Variants in CTNNA3 observed in about 807,000 individuals in gnomAD.
The protein encoded by CTNNA3 is catenin alpha 3.
CTNNA3 carries 76 observed loss-of-function variants against 95.7 expected under a neutral mutation model. The ratio of observed to expected loss-of-function variants is 0.79; its 90% CI spans 0.66 to 0.96. CTNNA3 has a LOEUF of 0.96. Ranked by LOEUF, CTNNA3 falls within the 40% of genes least tolerant of loss-of-function variation. The pLI is 0.00. For missense variants in CTNNA3, 1,191 were observed against 1,089.8 expected (o/e 1.09, Z -1.31); for synonymous variants, 431 against 374.4 (o/e 1.15, Z -1.74).
intron 10 of CTNNA3, among the ~76,000 whole-genome samples, chr10:66,621,076 A>G (rs913584724): frequency 1.3e-5 from 2 of 152,206 alleles, no homozygotes; most frequent in Non-Finnish European, 2.9e-5. Flanking sequence ...TTTAAGAAAC[A>G]TCTGAATTAC....
intron 12 of CTNNA3, among the ~76,000 whole-genome samples, chr10:66,359,613 T>C (rs1413746464): frequency 4.6e-5 from 7 of 152,150 alleles, no homozygotes; most frequent in African/African-American, 1.7e-4. Flanking sequence ...AATTAGGAGA[T>C]ACATGCATAC....
intron 15 of CTNNA3, among the ~76,000 whole-genome samples, chr10:65,995,662 G>T (rs1173109457): frequency 6.6e-6 from 1 of 152,220 alleles, no homozygotes; most frequent in Non-Finnish European, 1.5e-5. Context: ...GCAGTATTGG[G>T]CCATGTGGTT....
Position 66,096,151 on chromosome 10 carries a change from C to T in CTNNA3, c.1977+7006G>A, listed in dbSNP as rs113894280. On this transcript the variant is annotated intron_variant, in intron 14 of 17. Transcript: ENST00000433211. The stretch of plus-strand genomic sequence containing the variant: ...TTCCAGCAATTAGAACTAGCAGATT[C>T]AAATATCCTTAAATAAAAATCTTAC... 2.2e-4 allele frequency among the ~76,000 whole-genome samples: 34 copies of T among 152,260 alleles called. No individual in the cohort carries two copies. The South Asian group carries it at 4.8e-3, about 21-fold the overall frequency.
At chr10:66,084,714 TTA>T (rs1194113506) in intron 14 of CTNNA3, among the ~76,000 whole-genome samples, 1 of 152,172 alleles carries the variant, frequency 6.6e-6, no homozygotes, top group Non-Finnish European at 1.5e-5. Context: ...CCCAAGTGAG[TTA>T]TGAATTATTT....
intron 3 of CTNNA3, among the ~76,000 whole-genome samples, chr10:67,555,101 T>C (rs1479380323): frequency 6.6e-6 from 1 of 152,162 alleles, no homozygotes; most frequent in Non-Finnish European, 1.5e-5. Context: ...TCTGTTCTGT[T>C]TCATTGGTTG....
chr10:66,194,483 G>A (rs2086846369), intron 13 of CTNNA3, among the ~76,000 whole-genome samples: 1 of 152,138 alleles, frequency 6.6e-6, no homozygotes, highest in Non-Finnish European at 1.5e-5. Flanking sequence ...GGGAGGCTGA[G>A]GCATGAGAAT....
intron 5 of CTNNA3, among the ~76,000 whole-genome samples, chr10:67,318,161 TC>T (rs2132544855): frequency 1.3e-5 from 2 of 152,230 alleles, no homozygotes; most frequent in South Asian, 4.2e-4. Context: ...GGCACCCCAG[TC>T]CCCTTCTATT....
rs531015030 is a variant in CTNNA3 at position 67,450,058 on chromosome 10, C to T, written c.579+71784G>A. Among the ~76,000 whole-genome samples the T allele has an allele frequency of 5.9e-5, 9 of 152,262 alleles. No homozygotes were observed. In the East Asian group the frequency reaches 1.7e-3, roughly 29 times the overall value. ...GCATATGAAAAAAAGCTCAATATCA[C>T]TGATCATTAGAGAAATGCAAATCAA... On this transcript the variant is annotated intron_variant, in intron 5 of 17. Coordinates refer to ENST00000433211, the MANE Select transcript of CTNNA3 (RefSeq NM_013266.4).
intron 7 of CTNNA3, among the ~76,000 whole-genome samples, chr10:66,908,089 A>T (rs781628984): frequency 7.9e-5 from 12 of 152,204 alleles, no homozygotes; most frequent in Non-Finnish European, 1.5e-4. Context: ...TAATTCTGAT[A>T]TTGAAAAGTC....
rs938091480 is a variant in CTNNA3, at chr10:66,507,199, T to G, written c.1531+13418A>C. Among the ~76,000 whole-genome samples, 5 of 152,038 alleles carry G rather than the reference T, an allele frequency of 3.3e-5. No homozygotes were observed. In the South Asian group the frequency reaches 8.3e-4, roughly 25 times the overall value. ...GCCTTTGTTATTACATTTTGTTCATTTTTCTCTTTTTTTCTTTCAATTTTA... is the reference window on the plus strand; with the variant it reads ...GCCTTTGTTATTACATTTTGTTCATGTTTCTCTTTTTTTCTTTCAATTTTA... On this transcript the variant is annotated intron_variant, in intron 11 of 17. Coordinates refer to ENST00000433211, the MANE Select transcript of CTNNA3 (RefSeq NM_013266.4).
chr10:67,161,802 A>G (rs1384557053), intron 7 of CTNNA3, among the ~76,000 whole-genome samples: 1 of 152,096 alleles, frequency 6.6e-6, no homozygotes, highest in African/African-American at 2.4e-5. Context: ...TACTTCACAC[A>G]TCATGATACA....
rs560055166 is a variant in CTNNA3 at position 66,960,576 on chromosome 10, GA to G, written c.1048-185053del. The stretch of plus-strand genomic sequence containing the variant: ...TAATTATTCACAAATGACTACAAGA[GA>G]AAAGAGAGAAAAACAGAAGACATTT... On this transcript the variant is annotated intron_variant, in intron 7 of 17. Coordinates refer to ENST00000433211, the MANE Select transcript of CTNNA3 (RefSeq NM_013266.4). Among the ~76,000 whole-genome samples the G allele has an allele frequency of 1.4e-4, 21 of 152,246 alleles. No individual in the cohort carries two copies. In the East Asian group the frequency reaches 4.0e-3, roughly 29 times the overall value.
intron 7 of CTNNA3, among the ~76,000 whole-genome samples, chr10:67,052,086 T>C (rs1192409666): frequency 6.6e-6 from 1 of 152,144 alleles, no homozygotes; most frequent in South Asian, 2.1e-4. Flanking sequence ...GGATTTTGTT[T>C]GGAGGGGTCG....
intron 3 of CTNNA3, among the ~76,000 whole-genome samples, chr10:67,543,929 T>C (rs1266220449): frequency 2.6e-5 from 4 of 152,066 alleles, no homozygotes; most frequent in Non-Finnish European, 5.9e-5. Flanking sequence ...GATCCTAAAC[T>C]TACACAGATG....
At chr10:66,085,143 T>TA (rs201772043) in intron 14 of CTNNA3, 6 of 152,126 alleles carry the variant, frequency 3.9e-5, no homozygotes, top group Middle Eastern at 3.4e-3. Context: ...TTCAAAATGA[T>TA]AAAAAAAGAG....
intron 15 of CTNNA3, among the ~76,000 whole-genome samples, chr10:66,034,492 A>ACAG (rs139601636): frequency 1.3e-5 from 2 of 152,030 alleles, no homozygotes; most frequent in South Asian, 2.1e-4. Context: ...CCTAACTTCA[A>ACAG]CAGCAGCAGC....
intron 11 of CTNNA3, among the ~76,000 whole-genome samples, chr10:66,513,494 C>T (rs72793625): frequency 0.035 from 5,376 of 152,118 alleles, 248 homozygotes; most frequent in East Asian, 0.23. Flanking sequence ...GGAGTGCACA[C>T]GCACCTCTGG....
intron 7 of CTNNA3, among the ~76,000 whole-genome samples, chr10:66,913,325 T>C (rs184400464): frequency 7.4e-5 from 8 of 108,174 alleles, no homozygotes; most frequent in African/African-American, 2.9e-4. Flanking sequence ...TAGTGCAAAA[T>C]ACATTGGAGG....
chr10:67,538,158 A>T (rs1470041556), intron 4 of CTNNA3, among the ~76,000 whole-genome samples: 1 of 61,966 alleles, frequency 1.6e-5, no homozygotes, highest in Non-Finnish European at 2.8e-5. Context: ...TACTTAAACT[A>T]AAAAAAAAAA....
Sources: gnomAD v4.1 joint callset for allele counts (sites outside exome capture counted in the v4.1 genomes callset) on GRCh38, gnomAD v4.1.1 for gene constraint, MANE v1.5 for transcripts, NCBI Gene and HGNC (gene_info 2026-07-23, HGNC 2026-07-21) for gene names.